STRBP: variants seen among roughly 807,000 people sequenced by gnomAD.
The protein encoded by STRBP is spermatid perinuclear RNA-binding protein.
Under a neutral mutation model 80.1 loss-of-function variants are expected in STRBP, and 13 were observed. That is an observed-to-expected ratio of 0.16 (90% CI 0.11 to 0.26). The LOEUF (loss-of-function observed/expected upper bound fraction) is 0.26, where lower values mean the gene tolerates loss of function less well. STRBP is among the 10% of genes least tolerant of loss of function. STRBP has a pLI of 1.00. For synonymous variants in STRBP, 284 were observed against 291.2 expected, an observed-to-expected ratio of 0.98 and a Z score of 0.25; for missense variants, 485 against 815.2, an observed-to-expected ratio of 0.59 and a Z score of 4.93.
At chr9:123,172,578 G>C (rs1390137976) in intron 5 of STRBP, among the ~76,000 whole-genome samples, 6 of 152,162 alleles carry the variant, frequency 3.9e-5, no homozygotes, top group Admixed American at 3.3e-4. Context: ...GAAAAGCCAA[G>C]TATGTTCTGT....
chr9:123,183,386 G>A (rs12002826), intron 3 of STRBP, among the ~76,000 whole-genome samples: 2 of 151,786 alleles, frequency 1.3e-5, no homozygotes, highest in African/African-American at 2.4e-5. Flanking sequence ...GCAGTGAGCC[G>A]AGATTGCGCC....
intron 11 of STRBP, among the ~76,000 whole-genome samples, chr9:123,148,278 T>C (rs1471088223): frequency 6.6e-6 from 1 of 152,160 alleles, no homozygotes; most frequent in Non-Finnish European, 1.5e-5. Flanking sequence ...CAGAGACTGT[T>C]TGTCCCTTCT....
intron 2 of STRBP, among the ~76,000 whole-genome samples, chr9:123,226,785 G>C (rs1020842115): frequency 6.6e-6 from 1 of 152,116 alleles, no homozygotes; most frequent in Non-Finnish European, 1.5e-5. Flanking sequence ...GGGGTGGGGA[G>C]GAAGAGCAAT....
chr9:123,212,293 C>A (rs943767073), intron 2 of STRBP, among the ~76,000 whole-genome samples: 3 of 152,158 alleles, frequency 2.0e-5, no homozygotes, highest in African/African-American at 7.2e-5. Flanking sequence ...TCACCTACCT[C>A]TGACACGGGT....
intron 2 of STRBP, among the ~76,000 whole-genome samples, chr9:123,192,511 G>T (rs907381784): frequency 3.3e-5 from 5 of 152,128 alleles, no homozygotes; most frequent in African/African-American, 1.2e-4. Context: ...GAAGTAGGAG[G>T]ATCATTTGAG....
chr9:123,152,480 T>G (rs1255318776), intron 11 of STRBP, among the ~76,000 whole-genome samples: 1 of 152,026 alleles, frequency 6.6e-6, no homozygotes, highest in Non-Finnish European at 1.5e-5. Context: ...ACTAACTAAA[T>G]GTCCTACAAT....
At chr9:123,158,456 C>A in intron 9 of STRBP, 27 bp from the exon 10 acceptor site, 2 of 1,595,134 alleles carry the variant, frequency 1.3e-6, no homozygotes, top group South Asian at 1.1e-5. Context: ...ACACAAGTAT[C>A]ATTTAGAACT....
rs183678319 is a variant in STRBP at position 123,142,321 on chromosome 9, G to A, written c.1339-2634C>T. On this transcript the variant is annotated intron_variant, in intron 13 of 18. Coordinates refer to ENST00000348403, the MANE Select transcript of STRBP (RefSeq NM_018387.5). ...TCGCCCTTCTCTCTTCCTCCTGCTC[G>A]GACCACATAAGATGTGCCTGCTTCC... Among the ~76,000 whole-genome samples, 4 of 152,100 alleles carry A rather than the reference G, an allele frequency of 2.6e-5. No homozygotes were observed. The East Asian group carries it at 5.8e-4, about 22-fold the overall frequency.
At chr9:123,121,101 A>G (rs185416644), downstream of STRBP, among the ~76,000 whole-genome samples, 8 of 152,300 alleles carry the variant, frequency 5.3e-5, no homozygotes, top group African/African-American at 1.9e-4. Flanking sequence ...GGGCTGTTTC[A>G]GCAGGACTGG....
At chr9:123,260,060 G>T (rs1265140748) in intron 1 of STRBP, among the ~76,000 whole-genome samples, 1 of 152,156 alleles carries the variant, frequency 6.6e-6, no homozygotes, top group Non-Finnish European at 1.5e-5. Context: ...TGCTGTAAAG[G>T]GGAGCAGAGA....
intron 1 of STRBP, among the ~76,000 whole-genome samples, chr9:123,265,573 G>C (rs2041249546): frequency 6.6e-6 from 1 of 152,198 alleles, no homozygotes; most frequent in African/African-American, 2.4e-5. Flanking sequence ...CTTGCTTACT[G>C]AAGCAGTCTC....
At chr9:123,218,430 C>T (rs976612685) in intron 2 of STRBP, among the ~76,000 whole-genome samples, 2 of 133,674 alleles carry the variant, frequency 1.5e-5, no homozygotes, top group Admixed American at 8.6e-5. Flanking sequence ...ACTGCAGTGG[C>T]GCAATCTCGG....
At position 123,238,788 on chromosome 9, in the gene STRBP, A is replaced by G. The variant is rs1424663458; in HGVS notation, c.-301-1822T>C. Among the ~76,000 whole-genome samples the G allele has an allele frequency of 2.0e-5, 3 of 152,352 alleles. No homozygotes were observed. The East Asian group carries it at 5.8e-4, about 29-fold the overall frequency. ...TGAAACAGAGCTTTATTATTTTTAC[A>G]CACAAAAGAGAAAAGCTATAACAGA... On this transcript the variant is annotated intron_variant, in intron 1 of 18. Coordinates refer to ENST00000348403, the MANE Select transcript of STRBP (RefSeq NM_018387.5).
downstream of STRBP, among the ~76,000 whole-genome samples, chr9:123,120,605 A>G (rs2035718543): frequency 6.6e-6 from 1 of 151,942 alleles, no homozygotes. Flanking sequence ...AAACAGGGAA[A>G]TTATGGTGAA....
chr9:123,143,043 C>T (rs2036659883), intron 13 of STRBP, among the ~76,000 whole-genome samples: 1 of 151,996 alleles, frequency 6.6e-6, no homozygotes, highest in African/African-American at 2.4e-5. Flanking sequence ...ATACTAGGGG[C>T]CAAGAATGAA....
intron 4 of STRBP, among the ~76,000 whole-genome samples, chr9:123,174,085 C>T (rs1164926825): frequency 6.6e-6 from 1 of 152,166 alleles, no homozygotes; most frequent in Non-Finnish European, 1.5e-5. Flanking sequence ...ATTTATATTG[C>T]TTAAGAAAAC....
chr9:123,147,303 T>G (rs894782276), intron 12 of STRBP, among the ~76,000 whole-genome samples: 2 of 152,144 alleles, frequency 1.3e-5, no homozygotes, highest in African/African-American at 2.4e-5. Flanking sequence ...GCAAAAAAGC[T>G]TGGAAACAAA....
At position 123,124,924 on chromosome 9, in the gene STRBP, G is replaced by C; in HGVS notation, c.*673C>G. 5 of 985,672 alleles carry C rather than the reference G, an allele frequency of 5.1e-6. No individual in the cohort carries two copies. The highest frequency in any genetic ancestry group is 4.8e-6 in the Non-Finnish European group (4 of 829,908). 61.1% of individuals were successfully genotyped at this position (985,672 alleles called of 1,614,324 possible). The stretch of plus-strand genomic sequence containing the variant: ...CTGGCTCAAACTAACAATCACCTTT[G>C]CTTTGTTTTAGCACTTTGCTTACAA... On this transcript the variant is annotated 3_prime_UTR_variant, in exon 19 of 19. Coordinates refer to ENST00000348403, the MANE Select transcript of STRBP (RefSeq NM_018387.5).
chr9:123,165,611 A>G (rs2037721679), intron 6 of STRBP, among the ~76,000 whole-genome samples: 1 of 152,188 alleles, frequency 6.6e-6, no homozygotes, highest in Non-Finnish European at 1.5e-5. Context: ...ATAAGCAGAT[A>G]ATTTATCACC....
Sources: gnomAD v4.1 joint callset for allele counts (sites outside exome capture counted in the v4.1 genomes callset) on GRCh38, gnomAD v4.1.1 for gene constraint, MANE v1.5 for transcripts, NCBI Gene and HGNC (gene_info 2026-07-23, HGNC 2026-07-21) for gene names.